The following TTC28 variants were observed in gnomAD, a reference collection of about 807,000 sequenced individuals.
The protein encoded by TTC28 is tetratricopeptide repeat protein 28.
TTC28 carries 61 observed loss-of-function variants against 198.0 expected under a neutral mutation model. The ratio of observed to expected loss-of-function variants is 0.31; its 90% CI spans 0.25 to 0.38. TTC28 has a LOEUF of 0.38. Ranked by LOEUF, TTC28 falls within the 10% of genes least tolerant of loss-of-function variation. TTC28 has a pLI of 1.00. For missense variants in TTC28, 2,678 were observed against 3,164.0 expected, an observed-to-expected ratio of 0.85 and a Z score of 3.69; for synonymous variants, 1,171 against 1,297.8, an observed-to-expected ratio of 0.90 and a Z score of 2.10.
rs61744744 is a variant in TTC28, at chr22:27,982,462, T to C, written c.7205A>G (p.Asn2402Ser). The C allele has an allele frequency of 2.0e-3, 3,141 of 1,551,450 alleles. 59 individuals carry two copies. The African/African-American group carries it at 0.038, about 19-fold the overall frequency. Residue 2402 changes from asparagine to serine, a missense_variant, in exon 23 of 23, where the codon AAT becomes AGT. By Grantham distance (46) the Asn-to-Ser change is conservative. This residue lies in a region of TTC28 where 622 missense variants were observed against 656.0 expected (regional missense o/e 0.95). Transcript: ENST00000397906. The surrounding 1 kb of genome is among the most constrained non-coding windows in gnomAD (Gnocchi z 5.2). ...LSLLNLSPRH[N>S]KKEEGVDKLE... ...CTTATCCACTCCCTCCTCCTTCTTA[T>C]TGTGCCGTGGTGACAAATTCAACAG...
At chr22:28,388,874 C>T (rs2046663980) in intron 2 of TTC28, among the ~76,000 whole-genome samples, 1 of 152,174 alleles carries the variant, frequency 6.6e-6, no homozygotes, top group African/African-American at 2.4e-5. Context: ...ACTTCCAACA[C>T]TATGTTGACT....
intron 5 of TTC28, among the ~76,000 whole-genome samples, chr22:28,255,921 T>C (rs923410101): frequency 6.6e-6 from 1 of 152,190 alleles, no homozygotes; most frequent in Admixed American, 6.5e-5. Context: ...CTGTCCTTTC[T>C]GATATTAGAA....
At chr22:28,058,849 A>G (rs189279841) in intron 12 of TTC28, among the ~76,000 whole-genome samples, 27 of 151,876 alleles carry the variant, frequency 1.8e-4, no homozygotes, top group Admixed American at 1.6e-3. Context: ...TTTTCAAGGA[A>G]TTTTTTCATT....
intron 2 of TTC28, among the ~76,000 whole-genome samples, chr22:28,566,059 T>C (rs558297754): frequency 1.6e-4 from 24 of 152,002 alleles, no homozygotes; most frequent in African/African-American, 5.3e-4. Context: ...GGGGGAGGAA[T>C]AACAGCCTTA....
chr22:28,036,046 A>G (rs1939329320), intron 12 of TTC28, among the ~76,000 whole-genome samples: 1 of 152,128 alleles, frequency 6.6e-6, no homozygotes, highest in South Asian at 2.1e-4. Context: ...ATAATGGGAG[A>G]CTTTAACACC....
chr22:28,579,945 G>A (rs1014780716), intron 2 of TTC28, among the ~76,000 whole-genome samples: 5 of 151,898 alleles, frequency 3.3e-5, no homozygotes, highest in African/African-American at 7.3e-5. Flanking sequence ...ACTCCAGCCT[G>A]AGTGACAAAG....
intron 2 of TTC28, among the ~76,000 whole-genome samples, chr22:28,315,573 T>C (rs2045338481): frequency 6.6e-6 from 1 of 152,180 alleles, no homozygotes; most frequent in African/African-American, 2.4e-5. Context: ...TGCAAAACAG[T>C]GTTTTAGGTT....
At chr22:28,423,505 A>G (rs1178222633) in intron 2 of TTC28, among the ~76,000 whole-genome samples, 3 of 152,264 alleles carry the variant, frequency 2.0e-5, no homozygotes, top group Non-Finnish European at 4.4e-5. Flanking sequence ...TAAAATTTTA[A>G]GTAATCCGTT....
At position 28,001,327 on chromosome 22, in the gene TTC28, G is replaced by T; in HGVS notation, c.4398+47C>A. On this transcript the variant is annotated intron_variant, in intron 15 of 22. Coordinates refer to ENST00000397906, the MANE Select transcript of TTC28 (RefSeq NM_001145418.2). ...TCCGACCAGATAGACGGTGCCTCGT[G>T]ACCCGAAAACAAGCCCCCGGCCCCC... The T allele has an allele frequency of 2.0e-6, 3 of 1,522,792 alleles. No homozygotes were observed. In the South Asian group the frequency reaches 3.6e-5, roughly 18 times the overall value. The allele number at this position is 1,522,792 out of a possible 1,614,324, so 94.3% of individuals were successfully genotyped here. A position where few individuals can be genotyped will look rare whatever the true frequency, so the allele number is the denominator to read the frequency against.
chr22:28,289,485 A>T (rs978823032), intron 5 of TTC28, among the ~76,000 whole-genome samples: 3 of 152,190 alleles, frequency 2.0e-5, no homozygotes, highest in Non-Finnish European at 2.9e-5. Flanking sequence ...AGAATAAAAA[A>T]ATCCTGTGGA....
chr22:28,217,340 A>G (rs1180584625), intron 5 of TTC28, among the ~76,000 whole-genome samples: 1 of 152,220 alleles, frequency 6.6e-6, no homozygotes, highest in Non-Finnish European at 1.5e-5. Flanking sequence ...TGACCTAACA[A>G]TAAATTCAGA....
chr22:27,988,595 A>C (rs1937293291), intron 21 of TTC28, among the ~76,000 whole-genome samples: 1 of 152,114 alleles, frequency 6.6e-6, no homozygotes, highest in South Asian at 2.1e-4. Flanking sequence ...GCAGGAAAGA[A>C]GCATTTTTAA....
At chr22:28,327,611 C>T (rs1050307598) in intron 2 of TTC28, among the ~76,000 whole-genome samples, 1 of 152,154 alleles carries the variant, frequency 6.6e-6, no homozygotes, top group South Asian at 2.1e-4. Flanking sequence ...TTTGCTAACT[C>T]AGTATTTGCA....
chr22:28,333,625 C>A (rs1194694239), intron 2 of TTC28, among the ~76,000 whole-genome samples: 1 of 152,116 alleles, frequency 6.6e-6, no homozygotes, highest in African/African-American at 2.4e-5. Context: ...ACTTCTATAG[C>A]AGCTACACCT....
At position 28,461,496 on chromosome 22, in the gene TTC28, G is replaced by T. The variant is rs146654463; in HGVS notation, c.382-154853C>A. Among the ~76,000 whole-genome samples, 62 of 152,146 alleles carry T rather than the reference G, an allele frequency of 4.1e-4. 1 individual carries two copies. The highest frequency in any genetic ancestry group is 1.4e-3 in the African/African-American group (58 of 41,520). Reference sequence around the variant, plus strand: ...CTGCCGCCCAGGCTGGAGTATAGTGGTGTGATCTTGGCTCACTGTAGCATC... The same window carrying T: ...CTGCCGCCCAGGCTGGAGTATAGTGTTGTGATCTTGGCTCACTGTAGCATC... On this transcript the variant is annotated intron_variant, in intron 2 of 22. Coordinates refer to ENST00000397906, the MANE Select transcript of TTC28 (RefSeq NM_001145418.2).
chr22:28,606,954 G>C (rs947053545), intron 2 of TTC28, among the ~76,000 whole-genome samples: 3 of 152,150 alleles, frequency 2.0e-5, no homozygotes, highest in African/African-American at 4.8e-5. Context: ...AGTATTTTAA[G>C]CTGAAGTAAT....
intron 1 of TTC28, among the ~76,000 whole-genome samples, chr22:28,656,450 G>A (rs762504640): frequency 1.5e-4 from 23 of 152,144 alleles, no homozygotes; most frequent in Admixed American, 5.9e-4. Flanking sequence ...CCCACCACTC[G>A]CAACAGGGAG....
chr22:28,249,111 A>G (rs747621100), intron 5 of TTC28, among the ~76,000 whole-genome samples: 82 of 152,262 alleles, frequency 5.4e-4, no homozygotes, highest in Non-Finnish European at 9.4e-4. Context: ...AGCGAGTACC[A>G]TAACTGGGGG....
chr22:28,034,345 C>T (rs547859405), intron 12 of TTC28, among the ~76,000 whole-genome samples: 1 of 152,270 alleles, frequency 6.6e-6, no homozygotes, highest in Non-Finnish European at 1.5e-5. Flanking sequence ...GCTAAGATTC[C>T]GCCTGTCTTC....
Sources: gnomAD v4.1 joint callset for allele counts (sites outside exome capture counted in the v4.1 genomes callset) on GRCh38, gnomAD v4.1.1 for gene constraint, gnomAD v4.1.1 regional missense constraint, Gnocchi (gnomAD v3.1) non-coding constraint, MANE v1.5 for transcripts, NCBI Gene and HGNC (gene_info 2026-07-23, HGNC 2026-07-21) for gene names.